The following DEUP1 variants were observed in gnomAD, a reference collection of about 807,000 sequenced individuals.
DEUP1 encodes coiled-coil domain containing 67.
A neutral mutation model predicts 87.4 loss-of-function variants in DEUP1; 82 were observed. The ratio of observed to expected loss-of-function variants is 0.94; its 90% confidence interval spans 0.78 to 1.13. The LOEUF (loss-of-function observed/expected upper bound fraction) is 1.13. Among genes scored for constraint, DEUP1 ranks in the 50% most tolerant of loss-of-function variants. The pLI is 0.00. For missense variants in DEUP1, 663 were observed against 681.5 expected, an observed-to-expected ratio of 0.97 and a Z score of 0.30; for synonymous variants, 214 against 222.7, an observed-to-expected ratio of 0.96 and a Z score of 0.35.
chr11:93,410,358 C>T (rs1227777435), intron 12 of DEUP1, among the ~76,000 whole-genome samples: 1 of 152,152 alleles, frequency 6.6e-6, no homozygotes, highest in Non-Finnish European at 1.5e-5. Flanking sequence ...TGGGCATGGC[C>T]ATGGACCAGT....
intron 7 of DEUP1, among the ~76,000 whole-genome samples, chr11:93,371,661 A>G (rs1299092686): frequency 1.3e-5 from 2 of 152,154 alleles, no homozygotes; most frequent in Non-Finnish European, 2.9e-5. Context: ...GGGTTCAACA[A>G]TTTAGTAACC....
chr11:93,431,095 C>CAAAAAAAAAAAAAAAAAAAAG (rs1948092155), intron 13 of DEUP1, among the ~76,000 whole-genome samples: 1 of 112,634 alleles, frequency 8.9e-6, no homozygotes, highest in Non-Finnish European at 1.8e-5. Context: ...AACACTGTCT[C>CAAAAAAAAAAAAAAAAAAAAG]AAAAAAAAAA....
intron 7 of DEUP1, 39 bp downstream of exon 7, chr11:93,371,319 C>T (rs569058387): frequency 1.3e-6 from 2 of 1,580,696 alleles, no homozygotes; most frequent in East Asian, 2.2e-5. Context: ...TTGTCCATGA[C>T]TTGTATAAAT....
At chr11:93,367,094 A>G (rs1483962601) in intron 5 of DEUP1, among the ~76,000 whole-genome samples, 1 of 152,168 alleles carries the variant, frequency 6.6e-6, no homozygotes, top group African/African-American at 2.4e-5. Flanking sequence ...CATTTATCAT[A>G]GTAAATATAG....
intron 7 of DEUP1, among the ~76,000 whole-genome samples, chr11:93,377,924 A>T (rs1946117936): frequency 6.6e-6 from 1 of 152,106 alleles, no homozygotes; most frequent in Admixed American, 6.5e-5. Flanking sequence ...GAGCCTAAAG[A>T]TAGGATCCCA....
rs1056523651 is a variant in DEUP1 at position 93,362,351 on chromosome 11, T to C, written c.298-1809T>C. Among the ~76,000 whole-genome samples the C allele has an allele frequency of 2.6e-5, 4 of 151,918 alleles. No individual in the cohort carries two copies. The South Asian group carries it at 8.3e-4, about 31-fold the overall frequency. Reference sequence around the variant, plus strand: ...TAGTATCTAGAATATATGAATAACTTACTAATTAATAATAAAAAGACAGAT... The same window carrying C: ...TAGTATCTAGAATATATGAATAACTCACTAATTAATAATAAAAAGACAGAT... On this transcript the variant is annotated intron_variant, in intron 4 of 13. Transcript: ENST00000298050.
chr11:93,371,017 C>T lies in DEUP1; in HGVS notation c.547-21C>T. The T allele has an allele frequency of 1.3e-6, 2 of 1,593,880 alleles. 1 individual carries two copies. Among genetic ancestry groups the T allele is most frequent in the South Asian group, 2.3e-5 (2 of 87,926 alleles). ...AATATGACATTCTTCATTTGAGTTA[C>T]ACAGTTTTTATATTTTTCAGAAACA... On this transcript the variant is annotated intron_variant, in intron 6 of 13. Transcript: ENST00000298050.
At position 93,355,535 on chromosome 11, in the gene DEUP1, G is replaced by A; in HGVS notation, c.194G>A (p.Gly65Asp). Residue 65 changes from glycine to aspartate, a missense_variant, in exon 3 of 14, where the codon GGT becomes GAT. Transcript: ENST00000298050. The part of the protein sequence containing the change: ...ANAQTCLDQK[G>D]QEVGLLRQKL... ...GCACAAACTTGTTTGGATCAGAAAG[G>A]TCAAGAGGTACTGAATACATATGTT... 1 of 1,613,284 alleles carries A rather than the reference G, an allele frequency of 6.2e-7. No homozygotes were observed. The highest frequency in any genetic ancestry group is 8.5e-7 in the Non-Finnish European group (1 of 1,179,512).
chr11:93,371,695 T>C (rs1388190152), intron 7 of DEUP1, among the ~76,000 whole-genome samples: 1 of 152,184 alleles, frequency 6.6e-6, no homozygotes, highest in Non-Finnish European at 1.5e-5. Context: ...TGGAGATGAC[T>C]CCAGTGATTT....
intron 13 of DEUP1, among the ~76,000 whole-genome samples, chr11:93,418,160 C>A (rs1386582573): frequency 1.3e-5 from 2 of 152,018 alleles, no homozygotes; most frequent in Non-Finnish European, 2.9e-5. Flanking sequence ...GCAATGGCAA[C>A]AAAAGCCAAA....
At chr11:93,392,041 T>C (rs1359778249) in intron 9 of DEUP1, among the ~76,000 whole-genome samples, 1 of 152,180 alleles carries the variant, frequency 6.6e-6, no homozygotes, top group African/African-American at 2.4e-5. Flanking sequence ...ATGCTGGTAA[T>C]ATGAATAGAA....
intron 2 of DEUP1, among the ~76,000 whole-genome samples, chr11:93,339,457 A>G (rs747884766): frequency 2.0e-5 from 3 of 152,234 alleles, no homozygotes; most frequent in Admixed American, 1.3e-4. Context: ...GTTATACACT[A>G]CTTAAAATGG....
intron 13 of DEUP1, among the ~76,000 whole-genome samples, chr11:93,418,291 G>A (rs1244375736): frequency 3.3e-5 from 5 of 151,936 alleles, no homozygotes; most frequent in African/African-American, 1.2e-4. Flanking sequence ...ATCTGACAAA[G>A]GGCTAATATC....
intron 2 of DEUP1, among the ~76,000 whole-genome samples, chr11:93,342,707 G>C (rs528338344): frequency 4.6e-5 from 7 of 152,300 alleles, no homozygotes; most frequent in Non-Finnish European, 1.0e-4. Context: ...TGTTAGTATG[G>C]AACAAAGGAA....
intron 7 of DEUP1, among the ~76,000 whole-genome samples, chr11:93,378,232 G>C (rs1305228360): frequency 4.6e-5 from 7 of 152,194 alleles, no homozygotes; most frequent in African/African-American, 1.4e-4. Context: ...TTCTTCCTCA[G>C]GAACACCAAT....
intron 10 of DEUP1, among the ~76,000 whole-genome samples, chr11:93,394,999 T>C (rs1357866098): frequency 6.6e-6 from 1 of 152,178 alleles, no homozygotes; most frequent in East Asian, 1.9e-4. Context: ...ATTTTTATCT[T>C]TAAAAAAAAG....
At chr11:93,400,869 T>C (rs1372612825) in intron 11 of DEUP1, among the ~76,000 whole-genome samples, 1 of 152,094 alleles carries the variant, frequency 6.6e-6, no homozygotes, top group African/African-American at 2.4e-5. Flanking sequence ...TGAAAGCCTT[T>C]CCTCCAAGAT....
intron 13 of DEUP1, among the ~76,000 whole-genome samples, chr11:93,428,697 T>C (rs1415745028): frequency 2.0e-5 from 3 of 152,164 alleles, no homozygotes; most frequent in Non-Finnish European, 4.4e-5. Context: ...ATAATCACAA[T>C]CTAATTTTGA....
chr11:93,343,648 C>T (rs906090545), intron 2 of DEUP1, among the ~76,000 whole-genome samples: 4 of 152,080 alleles, frequency 2.6e-5, no homozygotes, highest in Admixed American at 2.6e-4. Flanking sequence ...ATCTGTAATA[C>T]AAATATTTTA....
Sources: gnomAD v4.1 joint callset for allele counts (sites outside exome capture counted in the v4.1 genomes callset) on GRCh38, gnomAD v4.1.1 for gene constraint, MANE v1.5 for transcripts, NCBI Gene and HGNC (gene_info 2026-07-23, HGNC 2026-07-21) for gene names.